Variants in BRAT1 observed in about 807,000 individuals in gnomAD.
BRAT1 encodes BRCA1 associated ATM activator 1.
A neutral mutation model predicts 70.6 loss-of-function variants in BRAT1; 74 were observed. The ratio of observed to expected loss-of-function variants is 1.05; its 90% confidence interval spans 0.87 to 1.27. BRAT1 has a LOEUF of 1.27. Ranked by LOEUF, BRAT1 falls within the 50% of genes most tolerant of loss-of-function variation. BRAT1 has a pLI of 0.00. For missense variants in BRAT1, 1,203 were observed against 1,098.2 expected, an observed-to-expected ratio of 1.10 and a Z score of -1.35; for synonymous variants, 615 against 517.1, an observed-to-expected ratio of 1.19 and a Z score of -2.57.
rs564021097 is a variant in BRAT1 at position 2,541,248 on chromosome 7, G to C, written c.1321+50C>G. 9 of 1,520,408 alleles carry C rather than the reference G, an allele frequency of 5.9e-6. No individual in the cohort carries two copies. In the African/African-American group the frequency reaches 1.1e-4, roughly 19 times the overall value. 94.2% of individuals were successfully genotyped at this position (1,520,408 alleles called of 1,614,324 possible). On this transcript the variant is annotated intron_variant, in intron 9 of 13. Transcript: ENST00000340611. ...CGGGTGCCTCCGAGCAGAAAGGAGA[G>C]TGGGGGCACAGGGATAGCCCCACGC...
At chr7:2,550,487 A>C (rs1212090706) in intron 2 of BRAT1, among the ~76,000 whole-genome samples, 7 of 148,308 alleles carry the variant, frequency 4.7e-5, no homozygotes, top group Non-Finnish European at 1.0e-4. Context: ...AAAACAAAAA[A>C]AAAAAAAGAA....
rs2128403527 is a variant in BRAT1, at chr7:2,547,387, G to A, written c.219C>T (p.Leu73=). The change falls in exon 3 of 14, where the codon CTC becomes CTT. Residue 73 remains leucine (L), a synonymous_variant. Transcript: ENST00000340611. The part of the protein sequence containing the change: ...LKVQDLSSGV[L]SFSLRLAGTF... ...TTCCTGCCAGGCGCAGTGAGAAGGAGAGGACCCCAGAACTCAGGTCCTGGA... is the reference window on the plus strand; with the variant it reads ...TTCCTGCCAGGCGCAGTGAGAAGGAAAGGACCCCAGAACTCAGGTCCTGGA... 6.2e-7 allele frequency: 1 copy of A among 1,614,158 alleles called. No homozygotes were observed. Among genetic ancestry groups the A allele is most frequent in the Non-Finnish European group, 8.5e-7 (1 of 1,180,030 alleles).
intron 13 of BRAT1, 35 bp from the exon 14 acceptor site, chr7:2,538,799 G>A: frequency 1.9e-6 from 3 of 1,596,380 alleles, no homozygotes; most frequent in Non-Finnish European, 2.5e-6. Context: ...ATGGTTGGTG[G>A]GGTGGCAGGA....
At chr7:2,539,952 C>T in intron 10 of BRAT1, 64 bp from the exon 11 acceptor site, 1 of 1,226,452 alleles carries the variant, frequency 8.2e-7, no homozygotes, top group Non-Finnish European at 1.1e-6. Flanking sequence ...CTGTCTGTCC[C>T]CCTCGCCTTC....
rs775940127 is a variant in BRAT1, at chr7:2,538,642, C to T, written c.1893G>A (p.Thr631=). The T allele has an allele frequency of 1.1e-5, 18 of 1,598,340 alleles. No individual in the cohort carries two copies. The highest frequency in any genetic ancestry group is 2.2e-5 in the South Asian group (2 of 91,068). The change falls in exon 14 of 14, where the codon ACG becomes ACA. Residue 631 remains threonine, a synonymous_variant. Coordinates refer to ENST00000340611, the MANE Select transcript of BRAT1 (RefSeq NM_152743.4). ...GCAGCACAGTGGCCACGAACTGCTC[C>T]GTGTCCTGGGCCGCGTCGGCGTGGC... ...RDGHADAAQD[T]EQFVATVLQA... is the part of the protein sequence containing the mutation.
At position 2,545,072 on chromosome 7, in the gene BRAT1, A is replaced by AG. The variant is rs1165560701; in HGVS notation, c.283-17dup. 1 of 1,478,068 alleles carries AG rather than the reference A, an allele frequency of 6.8e-7. No individual in the cohort carries two copies. Among genetic ancestry groups the AG allele is most frequent in the African/African-American group, 1.4e-5 (1 of 70,746 alleles). 91.6% of individuals were successfully genotyped at this position (1,478,068 alleles called of 1,614,324 possible). A position where few individuals can be genotyped will look rare whatever the true frequency, so the allele number is the denominator to read the frequency against. On this transcript the variant is annotated splice_polypyrimidine_tract_variant and intron_variant, in intron 3 of 13. Coordinates refer to ENST00000340611, the MANE Select transcript of BRAT1 (RefSeq NM_152743.4). ...ACTCCCCCTGCTGGGAAGCAAAAAAAGAAGTGAGGGTGGCCAGGCGCAGTG... is the reference window on the plus strand; with the variant it reads ...ACTCCCCCTGCTGGGAAGCAAAAAAAGGAAGTGAGGGTGGCCAGGCGCAGTG...
Position 2,538,485 on chromosome 7 carries a change from G to C in BRAT1, c.2050C>G (p.Pro684Ala). Residue 684 changes from proline to alanine, a missense_variant, in exon 14 of 14, where the codon CCA becomes GCA. Coordinates refer to ENST00000340611, the MANE Select transcript of BRAT1 (RefSeq NM_152743.4). ...AGTGCCTCGGTGAGTGGCTGGGCTG[G>C]GGCCACCTCGGGTAGGGCCACGGCA... ...PYAVALPEVAPAQPLTEALRA... is the reference protein window; with the variant it reads ...PYAVALPEVAAAQPLTEALRA... The C allele has an allele frequency of 6.2e-7, 1 of 1,611,850 alleles. No homozygotes were observed. The highest frequency in any genetic ancestry group is 2.2e-5 in the East Asian group (1 of 44,874).
chr7:2,543,311 G>C lies in BRAT1; in HGVS notation c.816C>G (p.Phe272Leu), dbSNP rs374694299. The change falls in exon 6 of 14, where the codon TTC becomes TTG. Residue 272 changes from phenylalanine to leucine, a missense_variant. Coordinates refer to ENST00000340611, the MANE Select transcript of BRAT1 (RefSeq NM_152743.4). This position sits in a 1 kb window ranked among gnomAD's most constrained non-coding sequence, Gnocchi z 5.5. ...LLLCVARSPV[F>L]SSSDGSLWET... ...CCCACAGGCTGCCGTCGGAAGAACT[G>C]AACACGGGAGAACTGCAGGGAGACC... 6.2e-7 allele frequency: 1 copy of C among 1,600,502 alleles called. No individual in the cohort carries two copies. Among genetic ancestry groups the C allele is most frequent in the Non-Finnish European group, 8.5e-7 (1 of 1,173,172 alleles).
intron 12 of BRAT1, 70 bp from the exon 13 acceptor site, chr7:2,539,421 A>T: frequency 2.0e-6 from 3 of 1,537,448 alleles, no homozygotes; most frequent in Non-Finnish European, 2.6e-6. Flanking sequence ...CTCTGCCTCC[A>T]TCCCCTTGTG....
chr7:2,554,181 C>A, intron 2 of BRAT1, 124 bp downstream of exon 2: 1 of 1,316,398 alleles, frequency 7.6e-7, no homozygotes, highest in Non-Finnish European at 1.0e-6. Context: ...GAAGGAAAGA[C>A]ATCTGATTGG....
chr7:2,539,349 G>C lies in BRAT1; in HGVS notation c.1600C>G (p.Gln534Glu), dbSNP rs768190592. Residue 534 changes from glutamine (Q) to glutamate (E), a missense_variant and splice_region_variant, in exon 13 of 14, where the codon CAG becomes GAG. Gln to Glu is a conservative substitution (Grantham distance 29). Coordinates refer to ENST00000340611, the MANE Select transcript of BRAT1 (RefSeq NM_152743.4). ...AAGAGTGCGCATCTGAAGTCAGCCT[G>C]TCCTGGGGGTCGAAACGGCCACATG... is the stretch of plus-strand genomic sequence containing the variant. ...LTQLSRHWGG[Q>E]ADFRCALLAS... is the part of the protein sequence containing the mutation. 1 of 1,601,764 alleles carries C rather than the reference G, an allele frequency of 6.2e-7. No homozygotes were observed. The highest frequency in any genetic ancestry group is 1.1e-5 in the South Asian group (1 of 90,682).
In BRAT1 at chr7:2,541,760, G is replaced by C; in HGVS notation, c.1092C>G (p.Leu364=). 6.2e-7 allele frequency: 1 copy of C among 1,612,040 alleles called. No individual in the cohort carries two copies. The highest frequency in any genetic ancestry group is 8.5e-7 in the Non-Finnish European group (1 of 1,179,712). ...LLASKSSCAG[L]LCRTLAHLEE... The stretch of plus-strand genomic sequence containing the variant: ...CCAGGTGAGCCAGGGTGCGGCACAG[G>C]AGGCCGGCGCAGGACGACTTGGAGG... The change falls in exon 8 of 14, where the codon CTC becomes CTG. Residue 364 remains leucine (L), a synonymous_variant. Coordinates refer to ENST00000340611, the MANE Select transcript of BRAT1 (RefSeq NM_152743.4).
chr7:2,542,291 T>A, intron 6 of BRAT1, 80 bp from the exon 7 acceptor site: 1 of 1,249,304 alleles, frequency 8.0e-7, no homozygotes, highest in Non-Finnish European at 1.1e-6. Flanking sequence ...CCAGCAAGCC[T>A]GGGGCAAATC....
At chr7:2,541,976 C>T (rs1454541313) in intron 7 of BRAT1, 140 bp from the exon 8 acceptor site, 2 of 1,202,006 alleles carry the variant, frequency 1.7e-6, no homozygotes, top group South Asian at 1.5e-5. Context: ...ATGGCCATGT[C>T]CCCGGTCCCC....
intron 3 of BRAT1, among the ~76,000 whole-genome samples, chr7:2,546,813 T>C (rs1269082262): frequency 6.6e-6 from 1 of 152,158 alleles, no homozygotes; most frequent in African/African-American, 2.4e-5. Flanking sequence ...GTCATTCACA[T>C]TCTCATTAGT....
At chr7:2,547,532 C>T in intron 2 of BRAT1, 54 bp from the exon 3 acceptor site, 1 of 1,578,010 alleles carries the variant, frequency 6.3e-7, no homozygotes, top group African/African-American at 1.4e-5. Flanking sequence ...CAGGTGTCCC[C>T]CTGGATGACC....
intron 3 of BRAT1, among the ~76,000 whole-genome samples, chr7:2,545,696 G>T (rs1779559938): frequency 6.6e-6 from 1 of 152,046 alleles, no homozygotes; most frequent in Non-Finnish European, 1.5e-5. Flanking sequence ...TACCATGTTG[G>T]TTAGCCTGGT....
At chr7:2,547,143 C>T (rs1369529798) in intron 3 of BRAT1, among the ~76,000 whole-genome samples, 181 bp downstream of exon 3, 3 of 152,124 alleles carry the variant, frequency 2.0e-5, no homozygotes, top group African/African-American at 2.4e-5. Context: ...TCACTCCGGG[C>T]GAATTTTTCA....
intron 3 of BRAT1, among the ~76,000 whole-genome samples, chr7:2,546,410 C>T (rs116527133): frequency 0.023 from 3,432 of 150,332 alleles, 134 homozygotes; most frequent in African/African-American, 0.08. Flanking sequence ...CCAGCCTGGA[C>T]GACAGAGCAG....
Sources: allele counts gnomAD v4.1 joint callset (sites outside exome capture counted in the v4.1 genomes callset), GRCh38; gene constraint gnomAD v4.1.1; non-coding constraint Gnocchi (gnomAD v3.1); transcripts MANE v1.5; gene names NCBI Gene and HGNC (gene_info 2026-07-23, HGNC 2026-07-21).